TAS2R1: variants seen among roughly 807,000 people sequenced by gnomAD.
The protein encoded by TAS2R1 is taste receptor type 2 member 1.
For missense variants in TAS2R1, 370 were observed against 353.4 expected, an observed-to-expected ratio of 1.05 and a Z score of -0.38; for synonymous variants, 141 against 134.2, an observed-to-expected ratio of 1.05 and a Z score of -0.35.
chr5:9,712,736 GTCTC>G (rs890572129), upstream of TAS2R1, among the ~76,000 whole-genome samples: 16 of 152,084 alleles, frequency 1.1e-4, no homozygotes, highest in East Asian at 1.9e-4. Context: ...CACGTGCGCT[GTCTC>G]TCTCTCTCCT....
chr5:9,818,281 T>G, the TAS2R1 span, among the ~76,000 whole-genome samples: 12 of 152,292 alleles, frequency 7.9e-5, no homozygotes, highest in South Asian at 1.9e-3. Context: ...TCTTACCTCA[T>G]TAGGACAAGA....
At chr5:9,738,220 T>A in the TAS2R1 span, among the ~76,000 whole-genome samples, 9 of 152,298 alleles carry the variant, frequency 5.9e-5, no homozygotes, top group African/African-American at 2.2e-4. Context: ...CCAGGGATGA[T>A]TACCACCCAT....
chr5:9,684,935 A>G (rs1484825600), intron 1 of TAS2R1, among the ~76,000 whole-genome samples: 1 of 152,202 alleles, frequency 6.6e-6, no homozygotes, highest in Admixed American at 6.5e-5. Context: ...CTGAGCCTAA[A>G]GTATCTGTGA....
At chr5:9,856,438 C>A in the TAS2R1 span, among the ~76,000 whole-genome samples, 3 of 152,188 alleles carry the variant, frequency 2.0e-5, no homozygotes, top group Non-Finnish European at 4.4e-5. Flanking sequence ...ACATAAACTC[C>A]TCTCTCACAT....
the TAS2R1 span, among the ~76,000 whole-genome samples, chr5:9,814,392 G>T: frequency 5.3e-5 from 8 of 152,042 alleles, no homozygotes; most frequent in African/African-American, 1.7e-4. Context: ...ATCTAAGCAG[G>T]AATATCTAGA....
the TAS2R1 span, among the ~76,000 whole-genome samples, chr5:9,782,951 G>C: frequency 6.6e-6 from 1 of 152,144 alleles, no homozygotes; most frequent in South Asian, 2.1e-4. Flanking sequence ...GAGCTAGAGG[G>C]AGGTCAAAGT....
At chr5:9,869,967 C>A in the TAS2R1 span, 3 of 152,244 alleles carry the variant, frequency 2.0e-5, no homozygotes, top group East Asian at 5.8e-4. Flanking sequence ...TATTACTTGA[C>A]CTTTTATTTA....
rs185803426 is a variant in TAS2R1 at position 9,646,234 on chromosome 5, T to C, written c.-81+13187A>G. On this transcript the variant is annotated intron_variant, in intron 2 of 2. Coordinates refer to the TAS2R1 transcript ENST00000506620. ...TTTCTGGATTCTTTCCCTATACATT[T>C]AGTTATTCATTTTCCATCACTTAGT... Among the ~76,000 whole-genome samples the C allele has an allele frequency of 1.1e-3, 160 of 152,268 alleles. 2 individuals are homozygous for C. Among genetic ancestry groups the C allele is most frequent in the Admixed American group, 9.9e-3 (151 of 15,286 alleles).
chr5:9,732,431 G>T, the TAS2R1 span, among the ~76,000 whole-genome samples: 3 of 152,032 alleles, frequency 2.0e-5, no homozygotes, highest in Non-Finnish European at 4.4e-5. Flanking sequence ...TACATATAAG[G>T]CTCTCCAGGT....
At chr5:9,757,121 C>A in the TAS2R1 span, among the ~76,000 whole-genome samples, 1 of 152,046 alleles carries the variant, frequency 6.6e-6, no homozygotes, top group Non-Finnish European at 1.5e-5. Context: ...GGAAATAAAC[C>A]CATCAAAAAT....
the TAS2R1 span, among the ~76,000 whole-genome samples, chr5:9,820,620 C>T: frequency 2.0e-4 from 30 of 152,216 alleles, no homozygotes; most frequent in African/African-American, 5.1e-4. Context: ...ACTGAAAACC[C>T]GGCCTGAGAG....
chr5:9,824,124 A>G, the TAS2R1 span, among the ~76,000 whole-genome samples: 1 of 152,148 alleles, frequency 6.6e-6, no homozygotes, highest in African/African-American at 2.4e-5. Flanking sequence ...TTTGGAGTGG[A>G]AGTGCCTCCT....
At chr5:9,887,713 C>A in the TAS2R1 span, among the ~76,000 whole-genome samples, 1 of 152,208 alleles carries the variant, frequency 6.6e-6, no homozygotes, top group African/African-American at 2.4e-5. Context: ...AAAGCATGGA[C>A]CCTGTCCTCG....
At chr5:9,720,852 T>C in the TAS2R1 span, among the ~76,000 whole-genome samples, 1 of 152,238 alleles carries the variant, frequency 6.6e-6, no homozygotes, top group Non-Finnish European at 1.5e-5. Flanking sequence ...CCTAGCATTT[T>C]CCAGGGAGCC....
At chr5:9,705,917 T>C (rs1161227514) in intron 1 of TAS2R1, among the ~76,000 whole-genome samples, 1 of 152,034 alleles carries the variant, frequency 6.6e-6, no homozygotes, top group East Asian at 1.9e-4. Context: ...GACCAGCAGG[T>C]CACCTTACTG....
At chr5:9,840,786 T>G in the TAS2R1 span, among the ~76,000 whole-genome samples, 2 of 151,514 alleles carry the variant, frequency 1.3e-5, no homozygotes, top group Non-Finnish European at 2.9e-5. Flanking sequence ...CTTTCAGTTT[T>G]TATCTAAAAA....
At chr5:9,759,725 G>A in the TAS2R1 span, among the ~76,000 whole-genome samples, 1 of 152,164 alleles carries the variant, frequency 6.6e-6, no homozygotes, top group African/African-American at 2.4e-5. Flanking sequence ...CAGGTTGTCA[G>A]GTTGTCACTA....
the TAS2R1 span, among the ~76,000 whole-genome samples, chr5:9,869,197 C>T: frequency 1.3e-5 from 2 of 152,182 alleles, no homozygotes; most frequent in African/African-American, 2.4e-5. Context: ...GTTCAACTCT[C>T]TGCAGTATCA....
At chr5:9,665,502 A>G (rs1290765155) in intron 1 of TAS2R1, among the ~76,000 whole-genome samples, 1 of 152,238 alleles carries the variant, frequency 6.6e-6, no homozygotes, top group Non-Finnish European at 1.5e-5. Flanking sequence ...TAAGGGACAG[A>G]CCAGGGATTT....
Sources: allele counts gnomAD v4.1 joint callset (sites outside exome capture counted in the v4.1 genomes callset), GRCh38; gene constraint gnomAD v4.1.1; transcripts MANE v1.5; gene names NCBI Gene and HGNC (gene_info 2026-07-23, HGNC 2026-07-21).